Variants in PPP6R3 observed in about 807,000 individuals in gnomAD.
The protein encoded by PPP6R3 is protein phosphatase 6 regulatory subunit 3.
PPP6R3 carries 38 observed loss-of-function variants against 110.7 expected under a neutral mutation model. That is an observed-to-expected ratio of 0.34 (90% CI 0.26 to 0.45). PPP6R3 has a LOEUF of 0.45. Among genes scored for constraint, PPP6R3 ranks in the 20% least tolerant of loss-of-function variants. PPP6R3 has a pLI of 1.00. For synonymous variants in PPP6R3, 369 were observed against 373.5 expected, an observed-to-expected ratio of 0.99 and a Z score of 0.14; for missense variants, 870 against 1,062.4, an observed-to-expected ratio of 0.82 and a Z score of 2.52.
intron 16 of PPP6R3, among the ~76,000 whole-genome samples, chr11:68,588,892 T>C (rs2099587161): frequency 6.6e-6 from 1 of 152,106 alleles, no homozygotes; most frequent in Admixed American, 6.5e-5. Context: ...GCTCTTAACG[T>C]TAAATAGTAT....
intron 1 of PPP6R3, among the ~76,000 whole-genome samples, chr11:68,496,851 G>GTTT (rs1349095543): frequency 9.5e-6 from 1 of 105,092 alleles, no homozygotes; most frequent in Non-Finnish European, 1.9e-5. Context: ...CCATATTCTT[G>GTTT]TCTTTTTTTT....
At chr11:68,524,516 T>C (rs78526089) in intron 2 of PPP6R3, among the ~76,000 whole-genome samples, 1 of 152,298 alleles carries the variant, frequency 6.6e-6, no homozygotes, top group African/African-American at 2.4e-5. Flanking sequence ...TATTCTGGGA[T>C]TTCTTTGCTT....
At position 68,487,972 on chromosome 11, in the gene PPP6R3, A is replaced by G. The variant is rs1452320984; in HGVS notation, c.-158+27145A>G. On this transcript the variant is annotated intron_variant, in intron 1 of 23. Transcript: ENST00000393800. ...TGATGGAGGGGTGTTGAAGTTTCCA[A>G]CTATAATAGTAGATTCATCTATTCT... 3.9e-5 allele frequency among the ~76,000 whole-genome samples: 6 copies of G among 152,204 alleles called. No homozygotes were observed. In the East Asian group the frequency reaches 9.6e-4, roughly 24 times the overall value.
At chr11:68,569,345 C>T (rs981562177) in intron 10 of PPP6R3, among the ~76,000 whole-genome samples, 2 of 152,128 alleles carry the variant, frequency 1.3e-5, no homozygotes, top group African/African-American at 2.4e-5. Context: ...CCACAGCTAT[C>T]GAACCCTATA....
intron 1 of PPP6R3, among the ~76,000 whole-genome samples, chr11:68,496,987 G>C (rs777828954): frequency 2.3e-4 from 34 of 149,182 alleles, no homozygotes; most frequent in Non-Finnish European, 3.4e-4. Flanking sequence ...TCAACCTCGC[G>C]AGTAGCTGGG....
chr11:68,614,651 C>A lies in PPP6R3; in HGVS notation c.*1534C>A, dbSNP rs111503828. On this transcript the variant is annotated 3_prime_UTR_variant, in exon 24 of 24. Transcript: ENST00000393800. ...TTTAAGTGGTGTGGAGATTCCAGCA[C>A]TCCCAGGACAGTGGAGTCAGCAGTA... The A allele has an allele frequency of 0.011, 16,918 of 1,519,784 alleles. 115 individuals carry two copies. Among genetic ancestry groups the A allele is most frequent in the Non-Finnish European group, 0.013 (14,578 of 1,139,276 alleles). The allele number at this position is 1,519,784 out of a possible 1,614,324, so 94.1% of individuals were successfully genotyped here. A position where few individuals can be genotyped will look rare whatever the true frequency, so the allele number is the denominator to read the frequency against.
At chr11:68,596,919 A>T (rs1443019411) in intron 19 of PPP6R3, among the ~76,000 whole-genome samples, 3 of 152,102 alleles carry the variant, frequency 2.0e-5, no homozygotes, top group Admixed American at 2.0e-4. Context: ...CCTTGTGGTG[A>T]CTTCAGAGCT....
In PPP6R3 at chr11:68,548,261, A is replaced by G. The variant is rs1414081831; in HGVS notation, c.552+57A>G. On this transcript the variant is annotated intron_variant, in intron 5 of 23. Coordinates refer to ENST00000393800, the MANE Select transcript of PPP6R3 (RefSeq NM_001164161.2). ...GGTTAGGGTGCTGGCATGTGAGCCCACCAGGCTGCTGTGTGCTGGGAAGGA... is the reference window on the plus strand; with the variant it reads ...GGTTAGGGTGCTGGCATGTGAGCCCGCCAGGCTGCTGTGTGCTGGGAAGGA... The G allele has an allele frequency of 1.2e-5, 19 of 1,596,098 alleles. No individual in the cohort carries two copies. The East Asian group carries it at 3.4e-4, about 28-fold the overall frequency.
chr11:68,473,134 G>A (rs1375167605), intron 1 of PPP6R3, among the ~76,000 whole-genome samples: 1 of 152,198 alleles, frequency 6.6e-6, no homozygotes, highest in Non-Finnish European at 1.5e-5. Flanking sequence ...CTGATGGCTA[G>A]CTGACCTAGG....
In PPP6R3 at chr11:68,614,665, G is replaced by C. The variant is rs1423823572; in HGVS notation, c.*1548G>C. The C allele has an allele frequency of 2.2e-5, 33 of 1,520,018 alleles. No individual in the cohort carries two copies. Among genetic ancestry groups the C allele is most frequent in the Non-Finnish European group, 2.6e-5 (30 of 1,139,080 alleles). The allele number at this position is 1,520,018 out of a possible 1,614,324, so 94.2% of individuals were successfully genotyped here. A position where few individuals can be genotyped will look rare whatever the true frequency, so the allele number is the denominator to read the frequency against. On this transcript the variant is annotated 3_prime_UTR_variant, in exon 24 of 24. Transcript: ENST00000393800. ...AGATTCCAGCACTCCCAGGACAGTG[G>C]AGTCAGCAGTAAGCCCTGGGACAGG...
At chr11:68,468,502 T>C (rs2098765161) in intron 1 of PPP6R3, among the ~76,000 whole-genome samples, 1 of 152,222 alleles carries the variant, frequency 6.6e-6, no homozygotes, top group African/African-American at 2.4e-5. Flanking sequence ...ACTCAGCAGC[T>C]ATGAGATCCT....
chr11:68,602,396 C>G (rs1386348133), intron 21 of PPP6R3, among the ~76,000 whole-genome samples: 1 of 152,132 alleles, frequency 6.6e-6, no homozygotes, highest in African/African-American at 2.4e-5. Context: ...ATTGAATAGT[C>G]CTGGGAATCT....
At chr11:68,563,439 C>G (rs2099436913) in intron 8 of PPP6R3, among the ~76,000 whole-genome samples, 1 of 152,162 alleles carries the variant, frequency 6.6e-6, no homozygotes, top group South Asian at 2.1e-4. Context: ...TTTAAGGCCC[C>G]CCTGGGTAAT....
intron 1 of PPP6R3, among the ~76,000 whole-genome samples, chr11:68,503,958 C>T (rs1001474853): frequency 3.3e-5 from 5 of 152,202 alleles, no homozygotes; most frequent in Admixed American, 1.3e-4. Flanking sequence ...TCACACATCA[C>T]TGGGGGAATA....
chr11:68,508,121 C>CTTTTTT (rs748376581), intron 1 of PPP6R3, among the ~76,000 whole-genome samples: 272 of 77,594 alleles, frequency 3.5e-3, no homozygotes, highest in Non-Finnish European at 4.2e-3. Flanking sequence ...GTTTTTTGGC[C>CTTTTTT]TTTTTTTTTT....
chr11:68,478,248 C>T (rs1279524565), intron 1 of PPP6R3, among the ~76,000 whole-genome samples: 1 of 152,142 alleles, frequency 6.6e-6, no homozygotes, highest in East Asian at 1.9e-4. Context: ...GCGCCCGGCC[C>T]AGGCTGGTCT....
intron 1 of PPP6R3, among the ~76,000 whole-genome samples, chr11:68,485,752 T>C (rs927944504): frequency 7.9e-5 from 12 of 152,120 alleles, no homozygotes; most frequent in Non-Finnish European, 1.5e-4. Flanking sequence ...TGGAGTGCAG[T>C]GGGATGATCT....
intron 8 of PPP6R3, among the ~76,000 whole-genome samples, chr11:68,562,896 G>A (rs1439091828): frequency 1.3e-5 from 2 of 152,088 alleles, no homozygotes; most frequent in East Asian, 3.9e-4. Context: ...TGATAACTCA[G>A]ACTACACTAA....
intron 1 of PPP6R3, among the ~76,000 whole-genome samples, chr11:68,495,548 G>C (rs957132443): frequency 6.6e-6 from 1 of 152,162 alleles, no homozygotes; most frequent in Admixed American, 6.5e-5. Context: ...TGTTCCTATA[G>C]ATGTGCCTAT....
Sources: gnomAD v4.1 joint callset for allele counts (sites outside exome capture counted in the v4.1 genomes callset) on GRCh38, gnomAD v4.1.1 for gene constraint, MANE v1.5 for transcripts, NCBI Gene and HGNC (gene_info 2026-07-23, HGNC 2026-07-21) for gene names.